ADGRG6: variants seen among roughly 807,000 people sequenced by gnomAD.
ADGRG6 encodes the protein adhesion G protein-coupled receptor G6, also known as G-protein coupled receptor 126.
Under a neutral mutation model 142.4 loss-of-function variants are expected in ADGRG6, and 84 were observed. That is an observed-to-expected ratio of 0.59 (90% CI 0.49 to 0.71). The LOEUF is 0.71. ADGRG6 is among the 30% of genes least tolerant of loss of function. The pLI, the probability that ADGRG6 is intolerant of heterozygous loss-of-function variation, is 0.00. For missense variants in ADGRG6, 1,367 were observed against 1,466.6 expected (o/e 0.93, Z 1.11); for synonymous variants, 521 against 520.5 (o/e 1.00, Z -0.01).
rs376752245 is a variant in ADGRG6, at chr6:142,405,764, C to T, written c.2204C>T (p.Pro735Leu). The T allele has an allele frequency of 6.2e-7, 1 of 1,606,560 alleles. No homozygotes were observed. Among genetic ancestry groups the T allele is most frequent in the African/African-American group, 1.3e-5 (1 of 74,740 alleles). The change falls in exon 15 of 25, where the codon CCA (proline) becomes CTA (leucine). Residue 735 changes from proline to leucine, a missense_variant. Transcript: ENST00000367609. ...CCAAACTTACTTGAGAATTTAAGTC[C>T]AGAAGATTCTGTATTAGTTAGAAGA... ...LPPNLLENLS[P>L]EDSVLVRRAQ...
intron 1 of ADGRG6, among the ~76,000 whole-genome samples, chr6:142,304,263 C>A (rs889403755): frequency 3.9e-5 from 6 of 152,160 alleles, no homozygotes; most frequent in Non-Finnish European, 7.4e-5. Flanking sequence ...TCTGCCTCCT[C>A]CTTGTGGAGA....
chr6:142,345,778 C>A (rs1779870439), intron 2 of ADGRG6, among the ~76,000 whole-genome samples: 1 of 152,086 alleles, frequency 6.6e-6, no homozygotes, highest in African/African-American at 2.4e-5. Context: ...TCCTTTATTA[C>A]ATGGTTAAAT....
intron 4 of ADGRG6, among the ~76,000 whole-genome samples, chr6:142,376,045 A>G (rs937513505): frequency 2.0e-5 from 3 of 152,178 alleles, no homozygotes; most frequent in African/African-American, 7.2e-5. Context: ...ACTTTTAAAA[A>G]CGAAATGTTT....
chr6:142,336,441 G>A (rs541865172), intron 2 of ADGRG6, among the ~76,000 whole-genome samples: 8 of 152,192 alleles, frequency 5.3e-5, no homozygotes, highest in Admixed American at 1.3e-4. Flanking sequence ...GTACTTAAAG[G>A]TTTGCTTGTT....
At chr6:142,377,823 T>C (rs1001546597) in intron 4 of ADGRG6, among the ~76,000 whole-genome samples, 2 of 152,198 alleles carry the variant, frequency 1.3e-5, no homozygotes, top group African/African-American at 2.4e-5. Context: ...ATAGTTCATG[T>C]ATTTGTTTAT....
intron 24 of ADGRG6, chr6:142,441,071 A>G (rs1777736580): frequency 1.8e-6 from 1 of 567,122 alleles, no homozygotes; most frequent in Non-Finnish European, 3.1e-6. Context: ...CTTTTCAGCT[A>G]GCACAATGAC....
At chr6:142,422,321 C>G (rs948189010) in intron 22 of ADGRG6, among the ~76,000 whole-genome samples, 6 of 152,108 alleles carry the variant, frequency 3.9e-5, no homozygotes, top group African/African-American at 7.2e-5. Flanking sequence ...CTGCTCCCCC[C>G]ACCCCACCAC....
chr6:142,419,194 G>C (rs935243917), intron 21 of ADGRG6, among the ~76,000 whole-genome samples: 13 of 152,150 alleles, frequency 8.5e-5, no homozygotes, highest in Non-Finnish European at 1.8e-4. Flanking sequence ...AAACATGGTA[G>C]TGGCAATCAC....
rs771460407 is a variant in ADGRG6 at position 142,370,339 on chromosome 6, A to G, written c.615A>G (p.Ser205=). The G allele has an allele frequency of 1.9e-6, 3 of 1,613,762 alleles. No homozygotes were observed. The Admixed American group carries it at 5.0e-5, about 27-fold the overall frequency. The change falls in exon 4 of 25, where the codon TCA becomes TCG. Residue 205 remains serine, a synonymous_variant. Coordinates refer to ENST00000367609, the MANE Select transcript of ADGRG6 (RefSeq NM_198569.3). ...GTGATTGGACAGCTTTCTCCTACTC[A>G]AATGCATCCTTCACACAATTGCTCA... ...EDSDWTAFSY[S]NASFTQLLSF...
At chr6:142,409,072 A>T (rs1326641907) in intron 16 of ADGRG6, among the ~76,000 whole-genome samples, 1 of 152,184 alleles carries the variant, frequency 6.6e-6, no homozygotes, top group Non-Finnish European at 1.5e-5. Context: ...TTAAGTGTAC[A>T]GTTCAATAGC....
At chr6:142,390,634 C>T (rs1327619712) in intron 7 of ADGRG6, among the ~76,000 whole-genome samples, 1 of 151,704 alleles carries the variant, frequency 6.6e-6, no homozygotes, top group Non-Finnish European at 1.5e-5. Flanking sequence ...CATATTAGAT[C>T]CATGTATTTT....
chr6:142,413,865 T>C (rs1776215981), intron 18 of ADGRG6, among the ~76,000 whole-genome samples: 2 of 150,472 alleles, frequency 1.3e-5, no homozygotes. Flanking sequence ...CTTTACTGCA[T>C]CAGTGAAACC....
intron 18 of ADGRG6, among the ~76,000 whole-genome samples, chr6:142,411,866 T>A (rs1213607189): frequency 6.6e-6 from 1 of 152,190 alleles, no homozygotes; most frequent in Non-Finnish European, 1.5e-5. Flanking sequence ...AACGTTGCTT[T>A]GTACCTGGTA....
chr6:142,305,838 A>G (rs4590288), intron 1 of ADGRG6, among the ~76,000 whole-genome samples: 7,075 of 152,236 alleles, frequency 0.046, 455 homozygotes, highest in African/African-American at 0.15. Flanking sequence ...AGAATAAATC[A>G]GCCTTTTTGA....
chr6:142,418,317 A>T (rs1036759642), intron 21 of ADGRG6, among the ~76,000 whole-genome samples: 1 of 150,982 alleles, frequency 6.6e-6, no homozygotes, highest in African/African-American at 2.4e-5. Flanking sequence ...AAAAAAAAAA[A>T]ACCCACTTAC....
Position 142,326,451 on chromosome 6 carries a change from T to C in ADGRG6, c.103+16807T>C, listed in dbSNP as rs181826845. On this transcript the variant is annotated intron_variant, in intron 2 of 24. Transcript: ENST00000367609. ...TAGAATTTTAGAAAGATAATTGGCA[T>C]ATCTTGCTGGACCTAATTATTTACA... 1.9e-3 allele frequency among the ~76,000 whole-genome samples: 295 copies of C among 151,974 alleles called. 3 individuals are homozygous for C. Among genetic ancestry groups the C allele is most frequent in the Middle Eastern group, 0.017 (5 of 290 alleles).
chr6:142,418,897 T>C (rs1776512070), intron 21 of ADGRG6, among the ~76,000 whole-genome samples: 1 of 152,194 alleles, frequency 6.6e-6, no homozygotes. Context: ...CTACAAATTA[T>C]ATTATTTGAC....
At chr6:142,406,204 T>G (rs2115033819) in intron 15 of ADGRG6, among the ~76,000 whole-genome samples, 1 of 151,986 alleles carries the variant, frequency 6.6e-6, no homozygotes, top group African/African-American at 2.4e-5. Context: ...TTTTTTTTTC[T>G]TTAATTTAGC....
chr6:142,427,684 G>A (rs9496378), intron 22 of ADGRG6, among the ~76,000 whole-genome samples: 1,776 of 152,186 alleles, frequency 0.012, 37 homozygotes, highest in East Asian at 0.043. Flanking sequence ...AAACTGGGCC[G>A]TTTATAAAAG....
Sources: allele counts gnomAD v4.1 joint callset (sites outside exome capture counted in the v4.1 genomes callset), GRCh38; gene constraint gnomAD v4.1.1; transcripts MANE v1.5; gene names NCBI Gene and HGNC (gene_info 2026-07-23, HGNC 2026-07-21).